MBOAT2: variants seen among roughly 807,000 people sequenced by gnomAD.
MBOAT2 encodes membrane bound glycerophospholipid O-acyltransferase 2.
Under a neutral mutation model 63.4 loss-of-function variants are expected in MBOAT2, and 28 were observed. The ratio of observed to expected loss-of-function variants is 0.44; its 90% CI spans 0.33 to 0.61. The LOEUF is 0.61. Ranked by LOEUF, MBOAT2 falls within the 20% of genes least tolerant of loss-of-function variation. The pLI is 0.03. For missense variants in MBOAT2, 470 were observed against 605.8 expected (o/e 0.78, Z 2.35); for synonymous variants, 211 against 215.6 (o/e 0.98, Z 0.19).
chr2:8,974,797 C>T (rs1349742506), intron 1 of MBOAT2, among the ~76,000 whole-genome samples: 2 of 152,064 alleles, frequency 1.3e-5, no homozygotes, highest in African/African-American at 4.8e-5. Context: ...TAGTAATTAC[C>T]TCATCTCCCT....
At chr2:8,969,988 G>A (rs1315032331) in intron 1 of MBOAT2, among the ~76,000 whole-genome samples, 1 of 152,122 alleles carries the variant, frequency 6.6e-6, no homozygotes, top group African/African-American at 2.4e-5. Flanking sequence ...AGGATATCCA[G>A]GAATTGAACT....
intron 6 of MBOAT2, among the ~76,000 whole-genome samples, chr2:8,880,471 C>A (rs188980156): frequency 4.6e-5 from 7 of 152,272 alleles, no homozygotes; most frequent in Non-Finnish European, 8.8e-5. Context: ...ATGTTCTGTT[C>A]GAGCTGCCTG....
intron 1 of MBOAT2, among the ~76,000 whole-genome samples, chr2:8,992,487 T>C (rs772041567): frequency 1.1e-4 from 16 of 152,356 alleles, no homozygotes; most frequent in South Asian, 4.1e-4. Context: ...TTTTCATGTA[T>C]ATATTGTAGT....
At chr2:8,904,547 G>C (rs1309060926) in intron 4 of MBOAT2, among the ~76,000 whole-genome samples, 1 of 152,120 alleles carries the variant, frequency 6.6e-6, no homozygotes, top group Non-Finnish European at 1.5e-5. Context: ...CTAAGCTCAA[G>C]TGATCCTCCC....
At chr2:8,869,059 A>T (rs903009917) in intron 8 of MBOAT2, among the ~76,000 whole-genome samples, 17 of 151,988 alleles carry the variant, frequency 1.1e-4, no homozygotes, top group African/African-American at 2.4e-4. Context: ...TAGAATTTTT[A>T]AAAAATAGAG....
chr2:8,927,946 C>A (rs116511670), intron 3 of MBOAT2, among the ~76,000 whole-genome samples: 3 of 152,078 alleles, frequency 2.0e-5, no homozygotes, highest in Non-Finnish European at 2.9e-5. Context: ...TACTGACATA[C>A]GCTTGGCTTC....
At position 8,942,532 on chromosome 2, in the gene MBOAT2, T is replaced by C. The variant is rs115579013; in HGVS notation, c.299+655A>G. The stretch of plus-strand genomic sequence containing the variant: ...ATGTCTTACAGATATCTTAAAGTCA[T>C]CATTCACTTACACAGCAAAACTTCA... On this transcript the variant is annotated intron_variant, in intron 3 of 12. Coordinates refer to ENST00000305997, the MANE Select transcript of MBOAT2 (RefSeq NM_138799.4). 3.6e-3 allele frequency among the ~76,000 whole-genome samples: 541 copies of C among 152,354 alleles called. 1 individual carries two copies. Among genetic ancestry groups the C allele is most frequent in the African/African-American group, 0.012 (506 of 41,580 alleles).
rs1661169411 is a variant in MBOAT2, at chr2:8,857,400, T to A, written c.*1279A>T. The A allele has an allele frequency of 6.6e-6, 1 of 152,322 alleles. No individual in the cohort carries two copies. The highest frequency in any genetic ancestry group is 2.1e-4 in the South Asian group (1 of 4,812). 9.4% of individuals were successfully genotyped at this position (152,322 alleles called of 1,614,324 possible). ...TGGGATCGCAGGAGATGCTTAGTAA[T>A]CCAAGGCAAGATTAGTTGTGGTAAA... On this transcript the variant is annotated 3_prime_UTR_variant, in exon 13 of 13. Transcript: ENST00000305997.
At chr2:8,949,922 T>C (rs963209753) in intron 2 of MBOAT2, among the ~76,000 whole-genome samples, 2 of 152,204 alleles carry the variant, frequency 1.3e-5, no homozygotes, top group Non-Finnish European at 2.9e-5. Context: ...GTATGGCCAT[T>C]TTAGTGGCAT....
At chr2:8,875,855 T>C (rs1662661338) in intron 7 of MBOAT2, among the ~76,000 whole-genome samples, 1 of 152,170 alleles carries the variant, frequency 6.6e-6, no homozygotes, top group African/African-American at 2.4e-5. Context: ...TAATAGAAAA[T>C]ATGAAGACAA....
chr2:8,919,325 T>C lies in MBOAT2; in HGVS notation c.300-10609A>G, dbSNP rs1199147775. ...TGTTTTCCAAAGTGACTACAATTTT[T>C]ATGTTCCTGTAAGCAACGTATGAAG... On this transcript the variant is annotated intron_variant, in intron 3 of 12. Coordinates refer to ENST00000305997, the MANE Select transcript of MBOAT2 (RefSeq NM_138799.4). Among the ~76,000 whole-genome samples the C allele has an allele frequency of 2.0e-5, 3 of 152,256 alleles. No individual in the cohort carries two copies. In the East Asian group the frequency reaches 5.8e-4, roughly 29 times the overall value.
At chr2:8,863,067 A>G (rs1315696429) in intron 10 of MBOAT2, among the ~76,000 whole-genome samples, 1 of 152,204 alleles carries the variant, frequency 6.6e-6, no homozygotes, top group African/African-American at 2.4e-5. Context: ...AAAAAAATCA[A>G]TAACTTTCAA....
At chr2:8,915,531 T>G (rs1277268090) in intron 3 of MBOAT2, among the ~76,000 whole-genome samples, 2 of 152,142 alleles carry the variant, frequency 1.3e-5, no homozygotes, top group African/African-American at 4.8e-5. Flanking sequence ...GGTGGGGGTT[T>G]TTTTGTTTTG....
At chr2:8,924,310 A>C (rs1292628281) in intron 3 of MBOAT2, among the ~76,000 whole-genome samples, 1 of 152,116 alleles carries the variant, frequency 6.6e-6, no homozygotes, top group Non-Finnish European at 1.5e-5. Flanking sequence ...CCTTGAATAC[A>C]GAGACACCAG....
intron 3 of MBOAT2, among the ~76,000 whole-genome samples, chr2:8,936,786 C>CAAAAAAAAAA (rs745694357): frequency 1.8e-5 from 1 of 56,338 alleles, no homozygotes; most frequent in African/African-American, 6.8e-5. Context: ...GACTCCGTCT[C>CAAAAAAAAAA]AAAAAAAAAA....
At chr2:8,989,548 T>C (rs1671785482) in intron 1 of MBOAT2, among the ~76,000 whole-genome samples, 1 of 152,174 alleles carries the variant, frequency 6.6e-6, no homozygotes, top group African/African-American at 2.4e-5. Flanking sequence ...AAATGTTCAA[T>C]CATGAGCCCA....
In MBOAT2 at chr2:8,854,392, G is replaced by A. The variant is rs1430238748; in HGVS notation, c.*4287C>T. ...TGCAGCAGTTTTATAAGGTATTGAGGGCAGTTAAGATTACATCTCACAGTG... is the reference window on the plus strand; with the variant it reads ...TGCAGCAGTTTTATAAGGTATTGAGAGCAGTTAAGATTACATCTCACAGTG... On this transcript the variant is annotated 3_prime_UTR_variant, in exon 13 of 13. Coordinates refer to ENST00000305997, the MANE Select transcript of MBOAT2 (RefSeq NM_138799.4). The A allele has an allele frequency of 6.6e-6, 1 of 152,100 alleles. No homozygotes were observed. Among genetic ancestry groups the A allele is most frequent in the Non-Finnish European group, 1.5e-5 (1 of 68,024 alleles). 9.4% of individuals were successfully genotyped at this position (152,100 alleles called of 1,614,324 possible).
At chr2:8,890,013 A>G (rs1663872904) in intron 4 of MBOAT2, among the ~76,000 whole-genome samples, 1 of 151,962 alleles carries the variant, frequency 6.6e-6, no homozygotes, top group Non-Finnish European at 1.5e-5. Flanking sequence ...CATGTACCTG[A>G]GAGGATGGGT....
At chr2:8,931,214 C>T (rs1573084733) in intron 3 of MBOAT2, among the ~76,000 whole-genome samples, 1 of 152,146 alleles carries the variant, frequency 6.6e-6, no homozygotes, top group Non-Finnish European at 1.5e-5. Context: ...TTTTAATAAT[C>T]GCCATTCTGA....
Sources: allele counts gnomAD v4.1 joint callset (sites outside exome capture counted in the v4.1 genomes callset), GRCh38; gene constraint gnomAD v4.1.1; transcripts MANE v1.5; gene names NCBI Gene and HGNC (gene_info 2026-07-23, HGNC 2026-07-21).